Variants in SCART1 observed in about 807,000 individuals in gnomAD.
The protein encoded by SCART1 is scavenger receptor cysteine-rich domain-containing protein SCART1.
In SCART1, 62 loss-of-function variants were observed where a neutral mutation model predicts 36.2. That is an observed-to-expected ratio of 1.71 (90% CI 1.40 to 2.12). The LOEUF (loss-of-function observed/expected upper bound fraction) is 2.12. Among genes scored for constraint, SCART1 ranks in the 30% most tolerant of loss-of-function variants. The pLI, the probability that SCART1 is intolerant of heterozygous loss-of-function variation, is 0.00. For missense variants in SCART1, 1,041 were observed against 540.5 expected (o/e 1.93, Z -9.18); for synonymous variants, 487 against 238.7 (o/e 2.04, Z -9.59).
rs34070150 is a variant in SCART1 at position 133,465,577 on chromosome 10, G to C, written c.2659+12G>C. The stretch of plus-strand genomic sequence containing the variant: ...CGTGCGCTGCTGGGGTGAGTGGGGG[G>C]CGGTGGGAAGTCGGTCATGGGGCCG... On this transcript the variant is annotated intron_variant, in intron 9 of 11. Coordinates refer to ENST00000640237, the Ensembl canonical transcript of SCART1. 5.2e-6 allele frequency: 3 copies of C among 572,610 alleles called. No homozygotes were observed. The highest frequency in any genetic ancestry group is 9.2e-6 in the Non-Finnish European group (3 of 326,404). The allele number at this position is 572,610 out of a possible 1,614,324, so 35.5% of individuals were successfully genotyped here.
intron 10 of SCART1, 30 bp from the exon 11 acceptor site, chr10:133,467,168 C>A: frequency 1.5e-6 from 1 of 666,984 alleles, no homozygotes; most frequent in Non-Finnish European, 2.7e-6. Flanking sequence ...CACTGAGGGC[C>A]TGTGTGTGAC....
At chr10:133,454,987 G>A (rs1245521440) in intron 1 of SCART1, among the ~76,000 whole-genome samples, 3 of 152,160 alleles carry the variant, frequency 2.0e-5, no homozygotes, top group Non-Finnish European at 4.4e-5. Context: ...GCTATTCATA[G>A]CGGGCGTGGT....
At position 133,460,120 on chromosome 10, in the gene SCART1, G is replaced by A; in HGVS notation, c.1919G>A (p.Trp640Ter). 1.9e-6 allele frequency: 1 copy of A among 517,230 alleles called. No homozygotes were observed. Among genetic ancestry groups the A allele is most frequent in the South Asian group, 2.9e-5 (1 of 35,060 alleles). The allele number at this position is 517,230 out of a possible 1,614,324, so 32.0% of individuals were successfully genotyped here. Residue 640 changes from tryptophan to a stop codon, truncating the protein, a stop_gained, in exon 6 of 12, where the codon TGG becomes TAG. Transcript: ENST00000640237. LOFTEE classifies it high-confidence loss of function. ...CTGTGGCAGTGCCCGTCGGCGGGCT[G>A]GGGGCGGCACGACTGGAGGCACAAG...
chr10:133,464,896 C>G (rs867146716), exon 7 of SCART1: 8 of 702,932 alleles, frequency 1.1e-5, no homozygotes, highest in Non-Finnish European at 5.2e-6. Flanking sequence ...CGCACTCTTG[C>G]GACCTTCGAG....
chr10:133,460,120 G>T, exon 6 of SCART1: 1 of 517,230 alleles, frequency 1.9e-6, no homozygotes, highest in Non-Finnish European at 3.4e-6. Flanking sequence ...TCGGCGGGCT[G>T]GGGGCGGCAC....
intron 1 of SCART1, among the ~76,000 whole-genome samples, chr10:133,455,577 C>T (rs557139202): frequency 3.3e-5 from 5 of 152,116 alleles, no homozygotes; most frequent in East Asian, 1.9e-4. Flanking sequence ...TCATTTTCCT[C>T]GGGGTGGCTG....
At chr10:133,462,347 G>A (rs1850712113) in intron 6 of SCART1, among the ~76,000 whole-genome samples, 1 of 152,214 alleles carries the variant, frequency 6.6e-6, no homozygotes, top group Non-Finnish European at 1.5e-5. Flanking sequence ...AGAAGAATTA[G>A]AACAGTAATT....
At chr10:133,467,033 G>A (rs890379308) in intron 10 of SCART1, 165 bp from the exon 11 acceptor site, 1 of 531,984 alleles carries the variant, frequency 1.9e-6, no homozygotes, top group Non-Finnish European at 3.3e-6. Context: ...GGGATGGGAG[G>A]GCACTGGGAG....
At chr10:133,467,516 G>A (rs1850775727) in intron 11 of SCART1, among the ~76,000 whole-genome samples, 163 bp downstream of exon 11, 1 of 152,176 alleles carries the variant, frequency 6.6e-6, no homozygotes, top group Non-Finnish European at 1.5e-5. Context: ...GGAGAGCAGG[G>A]CCACACCCAT....
At chr10:133,456,432 C>T in exon 2 of SCART1, 1 of 702,804 alleles carries the variant, frequency 1.4e-6, no homozygotes, top group Non-Finnish European at 2.6e-6. Context: ...GGAGAGATGG[C>T]CCAGCCCTGG....
At chr10:133,460,471 C>CATATATATAT (rs55751015) in intron 6 of SCART1, among the ~76,000 whole-genome samples, 2,082 of 136,424 alleles carry the variant, frequency 0.015, 109 homozygotes, top group African/African-American at 0.056. Flanking sequence ...ATCCGAAATT[C>CATATATATAT]ATATATATAT....
intron 6 of SCART1, among the ~76,000 whole-genome samples, chr10:133,460,495 T>C (rs1312476472): frequency 7.0e-6 from 1 of 143,248 alleles, no homozygotes; most frequent in African/African-American, 2.6e-5. Context: ...TATATTTATA[T>C]ATTTTAAAAA....
chr10:133,459,815 A>C (rs987109258), exon 6 of SCART1: 17 of 618,800 alleles, frequency 2.7e-5, no homozygotes, highest in African/African-American at 2.7e-4. Context: ...GTGAGGTCGG[A>C]ACCGCGTCCC....
At chr10:133,466,901 G>A in intron 10 of SCART1, 1 of 291,170 alleles carries the variant, frequency 3.4e-6, no homozygotes, top group Non-Finnish European at 6.3e-6. Flanking sequence ...AGAGAGAGTG[G>A]CAGACATCTG....
At chr10:133,459,959 C>T (rs731947) in exon 6 of SCART1, 2 of 542,276 alleles carry the variant, frequency 3.7e-6, no homozygotes, top group East Asian at 3.3e-5. Context: ...ATGCCTGGGA[C>T]CTGCGGGACG....
intron 5 of SCART1, 26 bp from the exon 6 acceptor site, chr10:133,459,461 G>T: frequency 1.6e-6 from 1 of 623,964 alleles, no homozygotes; most frequent in East Asian, 2.7e-5. Flanking sequence ...CTGACATCTT[G>T]GGCCCCTGTG....
At chr10:133,456,429 T>G in exon 2 of SCART1, 1 of 702,792 alleles carries the variant, frequency 1.4e-6, no homozygotes, top group Non-Finnish European at 2.6e-6. Flanking sequence ...CCTGGAGAGA[T>G]GGCCCAGCCC....
intron 6 of SCART1, among the ~76,000 whole-genome samples, chr10:133,460,528 TTTA>T (rs1850689735): frequency 7.1e-6 from 1 of 140,390 alleles, no homozygotes; most frequent in African/African-American, 2.8e-5. Context: ...TATTTAAATA[TTTA>T]TTTATTTATT....
chr10:133,459,787 C>A (rs1253967295), exon 6 of SCART1: 1 of 673,426 alleles, frequency 1.5e-6, no homozygotes, highest in Admixed American at 2.1e-5. Context: ...TCGCGGGACG[C>A]CGGCGTGGTG....
Sources: allele counts gnomAD v4.1 joint callset (sites outside exome capture counted in the v4.1 genomes callset), GRCh38; gene constraint gnomAD v4.1.1; transcripts MANE v1.5; gene names NCBI Gene and HGNC (gene_info 2026-07-23, HGNC 2026-07-21).